Variants in PRKCE observed in about 807,000 individuals in gnomAD.
PRKCE encodes the protein protein kinase C epsilon type.
PRKCE carries 16 observed loss-of-function variants against 85.4 expected under a neutral mutation model. The ratio of observed to expected loss-of-function variants is 0.19; its 90% CI spans 0.13 to 0.28. The LOEUF (loss-of-function observed/expected upper bound fraction) is 0.28, where lower values mean the gene tolerates loss of function less well. PRKCE is among the 10% of genes least tolerant of loss of function. The pLI is 1.00. For missense variants in PRKCE, 573 were observed against 975.2 expected (o/e 0.59, Z 5.49); for synonymous variants, 388 against 371.5 (o/e 1.04, Z -0.51).
rs1706693346 is a variant in PRKCE at position 46,021,845 on chromosome 2, T to C, written c.1437+11328T>C. ...CAGAATTTACCTTTTTGTGTGTGTGTGTCCAGTTTAGATTCGTGTTGAATT... is the reference window on the plus strand; with the variant it reads ...CAGAATTTACCTTTTTGTGTGTGTGCGTCCAGTTTAGATTCGTGTTGAATT... On this transcript the variant is annotated intron_variant, in intron 10 of 14. Coordinates refer to ENST00000306156, the MANE Select transcript of PRKCE (RefSeq NM_005400.3). 1.3e-5 allele frequency among the ~76,000 whole-genome samples: 2 copies of C among 152,206 alleles called. 1 individual carries two copies. The highest frequency in any genetic ancestry group is 1.3e-4 in the Admixed American group (2 of 15,286).
intron 1 of PRKCE, among the ~76,000 whole-genome samples, chr2:45,770,003 C>A (rs1218936373): frequency 6.6e-6 from 1 of 152,234 alleles, no homozygotes; most frequent in East Asian, 1.9e-4. Flanking sequence ...TGCCTGGATG[C>A]CCAGGTGCAC....
chr2:45,744,473 C>CTCTTTCT (rs1558623634), intron 1 of PRKCE, among the ~76,000 whole-genome samples: 7 of 39,098 alleles, frequency 1.8e-4, no homozygotes, highest in African/African-American at 6.7e-4. Context: ...TTCTTTCTTT[C>CTCTTTCT]TTTCTTTCTT....
At chr2:45,874,243 C>T (rs899805272) in intron 2 of PRKCE, among the ~76,000 whole-genome samples, 3 of 152,236 alleles carry the variant, frequency 2.0e-5, no homozygotes, top group Non-Finnish European at 4.4e-5. Context: ...TGGTTCCTCC[C>T]TTCATGGCCT....
chr2:45,825,301 A>G (rs1323307690), intron 1 of PRKCE, among the ~76,000 whole-genome samples: 1 of 152,188 alleles, frequency 6.6e-6, no homozygotes, highest in Admixed American at 6.5e-5. Context: ...GTTTTCCTGC[A>G]ACAGGCCTGG....
rs1696900137 is a variant in PRKCE at position 45,905,446 on chromosome 2, G to C, written c.412+62383G>C. ...AGAGAGCTGAAATCTATTTTGCTGA[G>C]GCCAAATTGGCTGTTGATGGGCCAT... On this transcript the variant is annotated intron_variant, in intron 2 of 14. Transcript: ENST00000306156. This position sits in a 1 kb window ranked among gnomAD's most constrained non-coding sequence, Gnocchi z 4.4. Among the ~76,000 whole-genome samples, 1 of 152,208 alleles carries C rather than the reference G, an allele frequency of 6.6e-6. No homozygotes were observed. Among genetic ancestry groups the C allele is most frequent in the South Asian group, 2.1e-4 (1 of 4,832 alleles).
At chr2:45,908,861 T>G (rs1269426426) in intron 2 of PRKCE, among the ~76,000 whole-genome samples, 1 of 152,234 alleles carries the variant, frequency 6.6e-6, no homozygotes, top group East Asian at 1.9e-4. Context: ...AGACAGGCTG[T>G]ACAGTGGGCA....
Position 46,159,355 on chromosome 2 carries a change from A to G in PRKCE, c.1921-251A>G, listed in dbSNP as rs1677529412. On this transcript the variant is annotated intron_variant, in intron 13 of 14. Coordinates refer to ENST00000306156, the MANE Select transcript of PRKCE (RefSeq NM_005400.3). The surrounding 1 kb of genome is among the most constrained non-coding windows in gnomAD (Gnocchi z 4.1). ...GTGCCTCGTTTATAATATAGAGACA[A>G]TGATAGTACCTCGTAGGGCATTAGG... 6.6e-6 allele frequency among the ~76,000 whole-genome samples: 1 copy of G among 152,202 alleles called. No individual in the cohort carries two copies. Among genetic ancestry groups the G allele is most frequent in the Non-Finnish European group, 1.5e-5 (1 of 68,038 alleles).
At position 46,162,473 on chromosome 2, in the gene PRKCE, C is replaced by T. The variant is rs145616070; in HGVS notation, c.2067+2721C>T. Among the ~76,000 whole-genome samples the T allele has an allele frequency of 2.6e-5, 4 of 152,290 alleles. No individual in the cohort carries two copies. The East Asian group carries it at 7.7e-4, about 29-fold the overall frequency. On this transcript the variant is annotated intron_variant, in intron 14 of 14. Transcript: ENST00000306156. ...CTTCATCGTTGCCTTGAAGTGATCT[C>T]CTGTGCATGTTCCCACTCTCCCTGC...
intron 11 of PRKCE, among the ~76,000 whole-genome samples, chr2:46,105,428 C>T (rs1671623774): frequency 6.8e-6 from 1 of 146,498 alleles, no homozygotes; most frequent in African/African-American, 2.5e-5. Context: ...ACAACAACTT[C>T]ACAAATTATC....
At chr2:45,870,725 T>G (rs1462114533) in intron 2 of PRKCE, among the ~76,000 whole-genome samples, 1 of 152,240 alleles carries the variant, frequency 6.6e-6, no homozygotes, top group East Asian at 1.9e-4. Context: ...TCGGTTACCT[T>G]AAGCCATGTC....
intron 1 of PRKCE, among the ~76,000 whole-genome samples, chr2:45,771,910 G>A (rs1685368246): frequency 1.3e-5 from 2 of 152,090 alleles, no homozygotes; most frequent in African/African-American, 4.8e-5. Flanking sequence ...CCAGCTTCCC[G>A]GTTGGCATGC....
At chr2:45,956,172 C>T (rs1700961819) in intron 2 of PRKCE, among the ~76,000 whole-genome samples, 2 of 152,300 alleles carry the variant, frequency 1.3e-5, no homozygotes, top group Admixed American at 6.5e-5. Flanking sequence ...CAGAATAGAA[C>T]TCCGCACTTT....
At chr2:45,665,767 T>A (rs531212651) in intron 1 of PRKCE, among the ~76,000 whole-genome samples, 6 of 152,338 alleles carry the variant, frequency 3.9e-5, no homozygotes, top group Admixed American at 2.6e-4. Flanking sequence ...TATTTGTTGT[T>A]CATATGCAAT....
rs114488214 is a variant in PRKCE at position 46,068,598 on chromosome 2, A to G, written c.1438-17610A>G. ...TAAGGCAATGGTAGAAGGTTGTCAC[A>G]TACAGAATAAGATCAATCATCAGAT... On this transcript the variant is annotated intron_variant, in intron 10 of 14. Coordinates refer to ENST00000306156, the MANE Select transcript of PRKCE (RefSeq NM_005400.3). This position sits in a 1 kb window ranked among gnomAD's most constrained non-coding sequence, Gnocchi z 4.3. Among the ~76,000 whole-genome samples, 685 of 152,360 alleles carry G rather than the reference A, an allele frequency of 4.5e-3. 8 individuals are homozygous for G. Among genetic ancestry groups the G allele is most frequent in the African/African-American group, 0.016 (654 of 41,584 alleles).
At chr2:45,839,985 G>A (rs1691215351) in intron 1 of PRKCE, among the ~76,000 whole-genome samples, 1 of 152,176 alleles carries the variant, frequency 6.6e-6, no homozygotes, top group Admixed American at 6.5e-5. Flanking sequence ...GTTAATATCC[G>A]AATACATTTT....
chr2:46,042,339 G>A (rs561097054), intron 10 of PRKCE, among the ~76,000 whole-genome samples: 126 of 152,360 alleles, frequency 8.3e-4, no homozygotes, highest in Non-Finnish European at 1.2e-3. Flanking sequence ...TTGTTGAACA[G>A]GTGAGGAAAG....
chr2:46,053,775 C>T (rs1003178483), intron 10 of PRKCE, among the ~76,000 whole-genome samples: 1 of 151,854 alleles, frequency 6.6e-6, no homozygotes, highest in East Asian at 1.9e-4. Context: ...TGGGTGGACA[C>T]GTGGGTTGCT....
At chr2:46,065,222 G>T (rs1200599251) in intron 10 of PRKCE, among the ~76,000 whole-genome samples, 1 of 151,710 alleles carries the variant, frequency 6.6e-6, no homozygotes, top group Non-Finnish European at 1.5e-5. Flanking sequence ...GAAAATGACT[G>T]TTCAAGACCT....
intron 2 of PRKCE, among the ~76,000 whole-genome samples, chr2:45,962,483 C>T (rs1286591355): frequency 2.6e-5 from 4 of 151,486 alleles, no homozygotes; most frequent in South Asian, 4.1e-4. Flanking sequence ...ACGCCCACCA[C>T]CCCCCTTCCT....
Sources: gnomAD v4.1 joint callset for allele counts (sites outside exome capture counted in the v4.1 genomes callset) on GRCh38, gnomAD v4.1.1 for gene constraint, Gnocchi (gnomAD v3.1) non-coding constraint, MANE v1.5 for transcripts, NCBI Gene and HGNC (gene_info 2026-07-23, HGNC 2026-07-21) for gene names.